Variants in LDLRAD4 observed in about 807,000 individuals in gnomAD.
LDLRAD4 encodes low density lipoprotein receptor class A domain containing 4, also known as low-density lipoprotein receptor class A domain-containing protein 4.
Under a neutral mutation model 17.0 loss-of-function variants are expected in LDLRAD4, and 5 were observed. The observed-to-expected ratio is 0.29, with a 90% confidence interval of 0.15 to 0.62. The LOEUF (loss-of-function observed/expected upper bound fraction) is 0.62, where lower values mean the gene tolerates loss of function less well. Ranked by LOEUF, LDLRAD4 falls within the 20% of genes least tolerant of loss-of-function variation. LDLRAD4 has a pLI of 0.84. For missense variants in LDLRAD4, 340 were observed against 424.7 expected (o/e 0.80, Z 1.75); for synonymous variants, 168 against 171.8 (o/e 0.98, Z 0.17).
At chr18:13,474,823 G>A (rs369400956) in intron 3 of LDLRAD4, among the ~76,000 whole-genome samples, 5 of 152,346 alleles carry the variant, frequency 3.3e-5, no homozygotes, top group Non-Finnish European at 2.9e-5. Flanking sequence ...ATTTTTGGGT[G>A]GCAGTTAGAG....
chr18:13,589,606 G>C (rs1439624574), intron 3 of LDLRAD4, among the ~76,000 whole-genome samples: 2 of 152,134 alleles, frequency 1.3e-5, no homozygotes. Context: ...CTGTGGCCTT[G>C]GACTCCCACC....
At chr18:13,578,187 A>G (rs922679094) in intron 3 of LDLRAD4, among the ~76,000 whole-genome samples, 1 of 152,230 alleles carries the variant, frequency 6.6e-6, no homozygotes, top group African/African-American at 2.4e-5. Flanking sequence ...AGACCCCTGA[A>G]GCTCATCCGT....
intron 2 of LDLRAD4, among the ~76,000 whole-genome samples, chr18:13,393,593 G>A (rs563366402): frequency 6.6e-6 from 1 of 152,308 alleles, no homozygotes; most frequent in East Asian, 1.9e-4. Context: ...CCAGGTGTAT[G>A]TCAAGTGCTG....
intron 1 of LDLRAD4, among the ~76,000 whole-genome samples, chr18:13,316,231 G>GA (rs1433976437): frequency 2.6e-5 from 4 of 152,330 alleles, no homozygotes; most frequent in Admixed American, 2.6e-4. Flanking sequence ...AATGTAGATG[G>GA]AGCTGGAGGT....
intron 3 of LDLRAD4, among the ~76,000 whole-genome samples, chr18:13,493,471 A>G (rs185654149): frequency 1.3e-5 from 2 of 152,316 alleles, no homozygotes; most frequent in East Asian, 3.9e-4. Flanking sequence ...GAAATATTTT[A>G]TGGAAAAACA....
At chr18:13,528,431 G>A (rs538089392) in intron 3 of LDLRAD4, among the ~76,000 whole-genome samples, 31 of 152,280 alleles carry the variant, frequency 2.0e-4, no homozygotes, top group Admixed American at 1.0e-3. Flanking sequence ...TTCTGCCTCA[G>A]CCTCCTGAGT....
chr18:13,551,902 A>G (rs1181485015), intron 3 of LDLRAD4, among the ~76,000 whole-genome samples: 8 of 152,154 alleles, frequency 5.3e-5, no homozygotes, highest in Admixed American at 5.2e-4. Context: ...GGGAGGCCTC[A>G]GGAAGCTTCC....
At chr18:13,285,012 G>A (rs903999237) in intron 1 of LDLRAD4, among the ~76,000 whole-genome samples, 4 of 152,190 alleles carry the variant, frequency 2.6e-5, no homozygotes, top group Non-Finnish European at 5.9e-5. Context: ...TCCCCTTGAC[G>A]TCCTGACATT....
intron 3 of LDLRAD4, among the ~76,000 whole-genome samples, chr18:13,567,090 C>T (rs765687198): frequency 1.3e-5 from 2 of 152,206 alleles, no homozygotes; most frequent in African/African-American, 2.4e-5. Context: ...GACTTGTTCC[C>T]GTGTCACTGA....
chr18:13,321,861 CAAAAAAAAAAAAAAAAAAAAAAAAA>C (rs57033432), intron 1 of LDLRAD4, among the ~76,000 whole-genome samples: 16,104 of 62,244 alleles, frequency 0.26, 1,227 homozygotes, highest in Non-Finnish European at 0.33. Context: ...GACTCCGTCT[CAAAAAAAAAAAAAAAAAAAAAAAAA>C]AAAAAAAAAA....
At chr18:13,418,264 G>A (rs1370552439) in intron 2 of LDLRAD4, among the ~76,000 whole-genome samples, 1 of 152,188 alleles carries the variant, frequency 6.6e-6, no homozygotes, top group Non-Finnish European at 1.5e-5. Context: ...GCTCTACACT[G>A]CCACCCCTTC....
intron 1 of LDLRAD4, among the ~76,000 whole-genome samples, chr18:13,255,107 G>T (rs562771956): frequency 6.6e-6 from 1 of 152,358 alleles, no homozygotes; most frequent in East Asian, 1.9e-4. Flanking sequence ...AGACTAAGGG[G>T]CAGAGACACA....
intron 3 of LDLRAD4, among the ~76,000 whole-genome samples, chr18:13,587,883 AAGTTT>A (rs2094955642): frequency 6.6e-6 from 1 of 152,244 alleles, no homozygotes; most frequent in Non-Finnish European, 1.5e-5. Flanking sequence ...GTCCTCAAAT[AAGTTT>A]ATGTAGTAAT....
intron 1 of LDLRAD4, among the ~76,000 whole-genome samples, chr18:13,355,204 T>G (rs889302498): frequency 5.3e-5 from 8 of 152,244 alleles, no homozygotes; most frequent in African/African-American, 1.4e-4. Context: ...TAATCAGATC[T>G]TACTAATTTT....
At chr18:13,599,270 G>T (rs2095131996) in intron 3 of LDLRAD4, among the ~76,000 whole-genome samples, 1 of 152,102 alleles carries the variant, frequency 6.6e-6, no homozygotes, top group African/African-American at 2.4e-5. Context: ...GTGGGTTGTG[G>T]CTCAAGTGCC....
rs79079036 is a variant in LDLRAD4, at chr18:13,434,042, G to T, written c.41-4202G>T. On this transcript the variant is annotated intron_variant, in intron 2 of 5. Transcript: ENST00000359446. ...CCTGCTTCCTCACCTGGGAGGTGAGGGGTGGATCAGTGTGTCTAGGTCCCT... is the reference window on the plus strand; with the variant it reads ...CCTGCTTCCTCACCTGGGAGGTGAGTGGTGGATCAGTGTGTCTAGGTCCCT... Among the ~76,000 whole-genome samples, 623 of 152,278 alleles carry T rather than the reference G, an allele frequency of 4.1e-3. 3 individuals carry two copies. Among genetic ancestry groups the T allele is most frequent in the African/African-American group, 0.014 (587 of 41,548 alleles).
intron 3 of LDLRAD4, among the ~76,000 whole-genome samples, chr18:13,596,806 C>T (rs888542769): frequency 3.9e-5 from 6 of 152,206 alleles, no homozygotes; most frequent in African/African-American, 1.4e-4. Flanking sequence ...GTACCATTCT[C>T]TTTGCCTAGT....
Position 13,590,903 on chromosome 18 carries a change from A to G in LDLRAD4, c.182-30214A>G, listed in dbSNP as rs77220620. 6.1e-3 allele frequency among the ~76,000 whole-genome samples: 927 copies of G among 152,352 alleles called. 17 individuals carry two copies. The highest frequency in any genetic ancestry group is 0.033 in the South Asian group (158 of 4,828). On this transcript the variant is annotated intron_variant, in intron 3 of 5. Coordinates refer to ENST00000359446, the Ensembl canonical transcript of LDLRAD4. The stretch of plus-strand genomic sequence containing the variant: ...TATCATCAGATGGAATGGAGGAAGC[A>G]GTGGCATGAGTTGGTGCCCTTGAGG...
At chr18:13,391,132 A>G (rs1259520788) in intron 2 of LDLRAD4, among the ~76,000 whole-genome samples, 2 of 152,220 alleles carry the variant, frequency 1.3e-5, no homozygotes, top group Admixed American at 1.3e-4. Context: ...CTTGCCTTAG[A>G]TAAGACATTG....
Sources: gnomAD v4.1 joint callset for allele counts (sites outside exome capture counted in the v4.1 genomes callset) on GRCh38, gnomAD v4.1.1 for gene constraint, MANE v1.5 for transcripts, NCBI Gene and HGNC (gene_info 2026-07-23, HGNC 2026-07-21) for gene names.